The following PDE1C variants were observed in gnomAD, a reference collection of about 807,000 sequenced individuals.
PDE1C encodes the protein phosphodiesterase 1C.
A neutral mutation model predicts 93.1 loss-of-function variants in PDE1C; 62 were observed. The ratio of observed to expected loss-of-function variants is 0.67; its 90% CI spans 0.54 to 0.82. The LOEUF is 0.82. PDE1C is among the 40% of genes least tolerant of loss of function. PDE1C has a pLI of 0.00. For synonymous variants in PDE1C, 325 were observed against 310.1 expected, an observed-to-expected ratio of 1.05 and a Z score of -0.50; for missense variants, 742 against 884.6, an observed-to-expected ratio of 0.84 and a Z score of 2.04.
chr7:32,162,385 G>C (rs979995260), intron 3 of PDE1C, among the ~76,000 whole-genome samples: 1 of 152,186 alleles, frequency 6.6e-6, no homozygotes, highest in Non-Finnish European at 1.5e-5. Flanking sequence ...TGTGATGGGA[G>C]ACTGTGGTCC....
intron 5 of PDE1C, among the ~76,000 whole-genome samples, chr7:31,876,504 T>C (rs1223596141): frequency 6.6e-6 from 1 of 152,200 alleles, no homozygotes; most frequent in Non-Finnish European, 1.5e-5. Flanking sequence ...AAGAAACATT[T>C]TCGTAAATGT....
chr7:32,003,981 G>A (rs182968185), intron 2 of PDE1C, among the ~76,000 whole-genome samples: 13 of 152,166 alleles, frequency 8.5e-5, no homozygotes, highest in Admixed American at 6.5e-4. Context: ...GATGAGAAAG[G>A]GGCATCTGTG....
At chr7:32,077,205 A>C (rs969568131) in intron 3 of PDE1C, among the ~76,000 whole-genome samples, 7 of 152,188 alleles carry the variant, frequency 4.6e-5, no homozygotes, top group African/African-American at 7.2e-5. Flanking sequence ...ATGCCACTGC[A>C]CTCCAGCCTG....
chr7:31,905,895 C>T (rs757316266), intron 2 of PDE1C, among the ~76,000 whole-genome samples: 2 of 152,080 alleles, frequency 1.3e-5, no homozygotes, highest in East Asian at 1.9e-4. Context: ...TGGTTTTAAA[C>T]GGGACTTTTC....
At chr7:31,987,701 G>C (rs148389805) in intron 2 of PDE1C, among the ~76,000 whole-genome samples, 260 of 152,236 alleles carry the variant, frequency 1.7e-3, no homozygotes, top group African/African-American at 6.1e-3. Context: ...GTGTTATATC[G>C]TTAGAAGCAC....
intron 2 of PDE1C, among the ~76,000 whole-genome samples, chr7:31,999,057 T>A (rs1189436619): frequency 1.3e-5 from 2 of 152,158 alleles, no homozygotes; most frequent in Non-Finnish European, 2.9e-5. Context: ...AGAAACTCTT[T>A]CCTATGCCGA....
chr7:31,726,879 A>G, the PDE1C span, among the ~76,000 whole-genome samples: 1 of 152,128 alleles, frequency 6.6e-6, no homozygotes, highest in Non-Finnish European at 1.5e-5. Flanking sequence ...CTAAAAATAC[A>G]GAAAATTAGC....
chr7:31,655,597 G>A, the PDE1C span, among the ~76,000 whole-genome samples: 1 of 152,162 alleles, frequency 6.6e-6, no homozygotes. Flanking sequence ...AGAAATAAAA[G>A]TCCAGGCCCT....
At chr7:32,312,895 T>C (rs922275312) in intron 1 of PDE1C, among the ~76,000 whole-genome samples, 1 of 152,114 alleles carries the variant, frequency 6.6e-6, no homozygotes, top group African/African-American at 2.4e-5. Context: ...AAAGCCAAAA[T>C]TGACAAATGG....
At chr7:31,983,623 A>G (rs550959553) in intron 2 of PDE1C, among the ~76,000 whole-genome samples, 7 of 152,078 alleles carry the variant, frequency 4.6e-5, no homozygotes, top group African/African-American at 1.7e-4. Context: ...TCTAAAAAAA[A>G]TAATAATTTT....
At chr7:31,962,965 T>C (rs1162683909) in intron 2 of PDE1C, among the ~76,000 whole-genome samples, 1 of 152,218 alleles carries the variant, frequency 6.6e-6, no homozygotes, top group Admixed American at 6.5e-5. Flanking sequence ...AACTCCCTCA[T>C]TAAGTTTAGC....
chr7:31,699,564 G>A, the PDE1C span, among the ~76,000 whole-genome samples: 1 of 152,028 alleles, frequency 6.6e-6, no homozygotes, highest in African/African-American at 2.4e-5. Flanking sequence ...CCATACTAGA[G>A]GTTTGCAGTG....
At chr7:31,622,302 ATT>A in the PDE1C span, among the ~76,000 whole-genome samples, 5 of 150,714 alleles carry the variant, frequency 3.3e-5, no homozygotes, top group Middle Eastern at 3.4e-3. Flanking sequence ...CAGAATATAC[ATT>A]TTTTTTTCAG....
chr7:32,362,403 C>G (rs1266323564), intron 1 of PDE1C, among the ~76,000 whole-genome samples: 2 of 152,160 alleles, frequency 1.3e-5, no homozygotes, highest in Non-Finnish European at 2.9e-5. Flanking sequence ...GGTCACATCT[C>G]AGCCCTGTCT....
chr7:32,072,464 C>G (rs962548558), upstream of PDE1C, among the ~76,000 whole-genome samples: 1 of 152,198 alleles, frequency 6.6e-6, no homozygotes, highest in Non-Finnish European at 1.5e-5. Context: ...AGCAGAGAAA[C>G]AGTGCCCTGG....
chr7:31,925,091 G>A (rs926396414), intron 2 of PDE1C, among the ~76,000 whole-genome samples: 1 of 140,316 alleles, frequency 7.1e-6, no homozygotes, highest in African/African-American at 2.6e-5. Flanking sequence ...GTGTGTGTGT[G>A]CATGCGCATG....
chr7:32,367,411 C>T (rs1355107236), intron 1 of PDE1C, among the ~76,000 whole-genome samples: 1 of 152,136 alleles, frequency 6.6e-6, no homozygotes, highest in Non-Finnish European at 1.5e-5. Flanking sequence ...TCTCACCTAT[C>T]AATAATAACC....
intron 3 of PDE1C, among the ~76,000 whole-genome samples, chr7:32,078,437 A>G (rs1796476237): frequency 6.6e-6 from 1 of 152,198 alleles, no homozygotes; most frequent in Non-Finnish European, 1.5e-5. Context: ...GGCTGTTGGT[A>G]AATGCTTCTT....
the PDE1C span, chr7:31,707,242 G>A: frequency 3.4e-5 from 55 of 1,613,940 alleles, 1 homozygote; most frequent in East Asian, 1.6e-4. Flanking sequence ...CAAAGCAATC[G>A]TGGAAGATGA....
Sources: gnomAD v4.1 joint callset for allele counts (sites outside exome capture counted in the v4.1 genomes callset) on GRCh38, gnomAD v4.1.1 for gene constraint, MANE v1.5 for transcripts, NCBI Gene and HGNC (gene_info 2026-07-23, HGNC 2026-07-21) for gene names.